Variants in SLC37A1 observed in about 807,000 individuals in gnomAD.
SLC37A1 encodes the protein glucose-6-phosphate exchanger SLC37A1.
A neutral mutation model predicts 75.3 loss-of-function variants in SLC37A1; 49 were observed. The ratio of observed to expected loss-of-function variants is 0.65; its 90% CI spans 0.52 to 0.83. The LOEUF (loss-of-function observed/expected upper bound fraction) is 0.83. Ranked by LOEUF, SLC37A1 falls within the 40% of genes least tolerant of loss-of-function variation. The pLI is 0.00. For missense variants in SLC37A1, 566 were observed against 695.0 expected (o/e 0.81, Z 2.09); for synonymous variants, 268 against 292.1 (o/e 0.92, Z 0.84).
rs115322413 is a variant in SLC37A1 at position 42,500,187 on chromosome 21, A to G, written c.-301+444A>G. On this transcript the variant is annotated intron_variant, in intron 1 of 20. Transcript: ENST00000398341. ...AGTTCAGGTCCATCTTAACTATAGA[A>G]CTATGAGGTTGTTTATTAGAATAAT... Among the ~76,000 whole-genome samples, 701 of 152,348 alleles carry G rather than the reference A, an allele frequency of 4.6e-3. 6 individuals carry two copies. The highest frequency in any genetic ancestry group is 0.016 in the African/African-American group (666 of 41,568).
At chr21:42,567,129 T>A (rs1211030334) in intron 16 of SLC37A1, 71 bp downstream of exon 16, 2 of 1,516,054 alleles carry the variant, frequency 1.3e-6, no homozygotes. Flanking sequence ...AAAAGTGGCC[T>A]CCATTACTGT....
At position 42,564,800 on chromosome 21, in the gene SLC37A1, C is replaced by T. The variant is rs77970520; in HGVS notation, c.1221+7C>T. On this transcript the variant is annotated splice_region_variant and intron_variant, in intron 14 of 19. Transcript: ENST00000352133. The stretch of plus-strand genomic sequence containing the variant: ...GCTGCTCGCGGCCCCCACGGTCAGC[C>T]GTGCTGCCTTCCCTGGGCCCCAAAG... 4,386 of 1,602,882 alleles carry T rather than the reference C, an allele frequency of 2.7e-3. 96 individuals are homozygous for T. The African/African-American group carries it at 0.051, about 19-fold the overall frequency.
rs2055588684 is a variant in SLC37A1 at position 42,552,760 on chromosome 21, T to C, written c.769-1302T>C. ...CTGAAAAGGAATTTTAAGATAGGCT[T>C]TGCCTGAGCACCCACGTTCCTGGCT... is the stretch of plus-strand genomic sequence containing the variant. On this transcript the variant is annotated intron_variant, in intron 9 of 19. Transcript: ENST00000352133. This position sits in a 1 kb window ranked among gnomAD's most constrained non-coding sequence, Gnocchi z 4.2. 6.6e-6 allele frequency among the ~76,000 whole-genome samples: 1 copy of C among 152,190 alleles called. No individual in the cohort carries two copies. Among genetic ancestry groups the C allele is most frequent in the Non-Finnish European group, 1.5e-5 (1 of 68,036 alleles).
chr21:42,522,335 A>C (rs1431804978), intron 2 of SLC37A1, among the ~76,000 whole-genome samples: 1 of 152,250 alleles, frequency 6.6e-6, no homozygotes, highest in Non-Finnish European at 1.5e-5. Flanking sequence ...AAACGTAGAT[A>C]GAATTACGAA....
At chr21:42,540,213 G>T (rs895559416) in intron 6 of SLC37A1, among the ~76,000 whole-genome samples, 1 of 152,228 alleles carries the variant, frequency 6.6e-6, no homozygotes. Flanking sequence ...GGGACAGGGC[G>T]TTCCACCTAG....
intron 3 of SLC37A1, among the ~76,000 whole-genome samples, chr21:42,528,294 C>A (rs2054852901): frequency 6.6e-6 from 1 of 152,190 alleles, no homozygotes; most frequent in Non-Finnish European, 1.5e-5. Flanking sequence ...GCTGCTCCAG[C>A]TGTGGCCTAG....
chr21:42,520,123 C>G (rs1315777316), intron 2 of SLC37A1, among the ~76,000 whole-genome samples: 1 of 152,108 alleles, frequency 6.6e-6, no homozygotes, highest in Non-Finnish European at 1.5e-5. Flanking sequence ...AAAACCACAG[C>G]AAAAAGATCA....
rs1330816882 is a variant in SLC37A1, at chr21:42,568,445, A to G, written c.1423+7A>G. The G allele has an allele frequency of 3.7e-6, 6 of 1,613,104 alleles. No individual in the cohort carries two copies. Among genetic ancestry groups the G allele is most frequent in the East Asian group, 2.2e-5 (1 of 44,868 alleles). ...GACGGGACGGGCTCTGTAGGTGCGC[A>G]GAGAGTTTTAGCTCTGGGAGGTTTG... On this transcript the variant is annotated splice_region_variant and intron_variant, in intron 17 of 19. Transcript: ENST00000352133.
intron 5 of SLC37A1, among the ~76,000 whole-genome samples, chr21:42,538,381 G>A (rs565677276): frequency 2.0e-5 from 3 of 152,346 alleles, no homozygotes; most frequent in African/African-American, 4.8e-5. Context: ...CATGATCCAA[G>A]GTAGATCTTT....
chr21:42,530,982 T>C (rs1371366538), intron 3 of SLC37A1, among the ~76,000 whole-genome samples: 1 of 152,200 alleles, frequency 6.6e-6, no homozygotes, highest in Admixed American at 6.5e-5. Flanking sequence ...TGTTTGTGCC[T>C]AAATGACTGC....
chr21:42,572,184 C>A (rs894136671), intron 17 of SLC37A1, among the ~76,000 whole-genome samples: 1 of 152,178 alleles, frequency 6.6e-6, no homozygotes, highest in Non-Finnish European at 1.5e-5. Flanking sequence ...GTCACTGACA[C>A]GTTCACAGAC....
intron 1 of SLC37A1, among the ~76,000 whole-genome samples, chr21:42,516,962 C>A (rs1367181632): frequency 6.6e-6 from 1 of 152,176 alleles, no homozygotes; most frequent in South Asian, 2.1e-4. Context: ...TTGCTTAAAT[C>A]TAGAGGTTTG....
intron 3 of SLC37A1, among the ~76,000 whole-genome samples, chr21:42,531,762 C>T (rs2054988410): frequency 6.6e-6 from 1 of 152,150 alleles, no homozygotes; most frequent in South Asian, 2.1e-4. Context: ...GGATAAAACT[C>T]ATAGAAATAC....
Position 42,534,765 on chromosome 21 carries a change from A to G in SLC37A1, c.206A>G (p.Lys69Arg). The G allele has an allele frequency of 6.2e-7, 1 of 1,614,048 alleles. No homozygotes were observed. The highest frequency in any genetic ancestry group is 8.5e-7 in the Non-Finnish European group (1 of 1,179,982). ...ADVRFSSQNR[K>R]SGSAAPHQLP... ...GTCAGGTTCAGCAGCCAGAACAGGA[A>G]GTCTGGGTCCGCTGCCCCCCACCAG... Residue 69 changes from lysine (K) to arginine (R), a missense_variant, in exon 4 of 20, where the codon AAG becomes AGG. By Grantham distance (26) the Lys-to-Arg change is conservative. Transcript: ENST00000352133.
rs1393527119 is a variant in SLC37A1 at position 42,579,795 on chromosome 21, A to G, written c.1581A>G (p.Gln527=). ...GCCCAGGGTCAGCTACGGGGGACCA[A>G]GTTCCGTAAGTCCCACTCGGGCCCT... ...LSCPGSATGD[Q]VPFKEQ Residue 527 remains glutamine (Q), a synonymous_variant, in exon 19 of 20, where the codon CAA becomes CAG. Transcript: ENST00000352133. The G allele has an allele frequency of 1.9e-6, 3 of 1,614,104 alleles. No individual in the cohort carries two copies. The East Asian group carries it at 6.7e-5, about 36-fold the overall frequency.
intron 19 of SLC37A1, 90 bp from the exon 20 acceptor site, chr21:42,580,255 T>G: frequency 2.0e-6 from 3 of 1,473,878 alleles, no homozygotes; most frequent in South Asian, 1.2e-5. Context: ...TGGCTCCCCA[T>G]AGGATTTGCA....
intron 2 of SLC37A1, among the ~76,000 whole-genome samples, chr21:42,523,517 G>A (rs904411314): frequency 5.9e-5 from 9 of 152,388 alleles, no homozygotes; most frequent in Non-Finnish European, 1.0e-4. Flanking sequence ...CATCCAAAGC[G>A]CTGAGACTTT....
chr21:42,565,800 T>C, intron 14 of SLC37A1, 27 bp from the exon 15 acceptor site: 2 of 1,611,078 alleles, frequency 1.2e-6, no homozygotes, highest in Non-Finnish European at 1.7e-6. Flanking sequence ...CAGCCATGGC[T>C]TTGACCTTGT....
upstream of SLC37A1, chr21:42,509,456 A>C (rs527929880): frequency 6.6e-6 from 1 of 152,228 alleles, no homozygotes; most frequent in African/African-American, 2.4e-5. The surrounding 1 kb of genome is among the most constrained non-coding windows in gnomAD (Gnocchi z 4.2). Context: ...AAGCGAGTCA[A>C]AAGTACTGCA....
Sources: gnomAD v4.1 joint callset for allele counts (sites outside exome capture counted in the v4.1 genomes callset) on GRCh38, gnomAD v4.1.1 for gene constraint, Gnocchi (gnomAD v3.1) non-coding constraint, MANE v1.5 for transcripts, NCBI Gene and HGNC (gene_info 2026-07-23, HGNC 2026-07-21) for gene names.